Variants in NEK5 observed in about 807,000 individuals in gnomAD.
NEK5 encodes serine/threonine-protein kinase Nek5.
In NEK5, 88 loss-of-function variants were observed where a neutral mutation model predicts 109.2. The ratio of observed to expected loss-of-function variants is 0.81; its 90% confidence interval spans 0.68 to 0.96. The LOEUF (loss-of-function observed/expected upper bound fraction) is 0.96. Among genes scored for constraint, NEK5 ranks in the 40% least tolerant of loss-of-function variants. The probability of loss-of-function intolerance (pLI) is 0.00; values close to 1 mark genes in which losing one functional copy is unlikely to be tolerated. For missense variants in NEK5, 834 were observed against 920.7 expected, an observed-to-expected ratio of 0.91 and a Z score of 1.22; for synonymous variants, 283 against 299.9, an observed-to-expected ratio of 0.94 and a Z score of 0.58.
rs555212717 is a variant in NEK5 at position 52,061,829 on chromosome 13, A to G, written c.2100T>C (p.Asp700=). Residue 700 remains aspartate, a synonymous_variant, in exon 22 of 24, where the codon GAT becomes GAC. Transcript: ENST00000684899. ...AHLTSSSFSA[D]EEFAMGTLKQ... The stretch of plus-strand genomic sequence containing the variant: ...AAATAAACTACATACCAAATTCTTC[A>G]TCGGCAGAAAATGAGCTACTCGTTA... The G allele has an allele frequency of 8.6e-5, 85 of 985,772 alleles. No homozygotes were observed. The highest frequency in any genetic ancestry group is 1.0e-4 in the Non-Finnish European group (84 of 829,824). 61.1% of individuals were successfully genotyped at this position (985,772 alleles called of 1,614,324 possible). A position where few individuals can be genotyped will look rare whatever the true frequency, so the allele number is the denominator to read the frequency against.
intron 21 of NEK5, among the ~76,000 whole-genome samples, chr13:52,062,679 A>G (rs920216819): frequency 3.9e-5 from 6 of 152,054 alleles, no homozygotes; most frequent in African/African-American, 1.4e-4. Flanking sequence ...TCAGCCTCCC[A>G]AAGTGCTGGG....
At position 52,033,766 on chromosome 13, in the gene NEK5, C is replaced by CTT. The variant is rs1381950734; in HGVS notation, c.*3180_*3181dup. On this transcript the variant is annotated 3_prime_UTR_variant, in exon 24 of 24. Transcript: ENST00000684899. ...TGTGGTTATCAATGCTTTCAGAATA[C>CTT]TTGTGTTTATGTAAATATACCCCAG... The CTT allele has an allele frequency of 5.2e-5, 8 of 152,382 alleles. No individual in the cohort carries two copies. The highest frequency in any genetic ancestry group is 3.9e-4 in the Admixed American group (6 of 15,296). The allele number at this position is 152,382 out of a possible 1,614,324, so 9.4% of individuals were successfully genotyped here.
intron 3 of NEK5, among the ~76,000 whole-genome samples, chr13:52,120,984 T>A (rs1183434661): frequency 6.6e-6 from 1 of 151,080 alleles, no homozygotes; most frequent in Non-Finnish European, 1.5e-5. Flanking sequence ...CTGGCAAAGA[T>A]GAAAAGAATG....
chr13:52,041,594 G>A (rs1421611306), intron 23 of NEK5, among the ~76,000 whole-genome samples: 1 of 151,734 alleles, frequency 6.6e-6, no homozygotes, highest in Non-Finnish European at 1.5e-5. Flanking sequence ...TGGGCGTGGT[G>A]GCACAAGCCT....
intron 20 of NEK5, among the ~76,000 whole-genome samples, chr13:52,071,412 T>C (rs1301294226): frequency 6.6e-6 from 1 of 152,236 alleles, no homozygotes; most frequent in Admixed American, 6.5e-5. Flanking sequence ...CTCTAGCCCC[T>C]GCCTCTTAGC....
Position 52,083,242 on chromosome 13 carries a change from G to A in NEK5, c.1572+18C>T. ...ACACACACTGCAAGCACACACATCT[G>A]ATCATAGCCATCATTACCTGCACAG... is the stretch of plus-strand genomic sequence containing the variant. On this transcript the variant is annotated intron_variant, in intron 17 of 23. Transcript: ENST00000684899. 1 of 1,543,458 alleles carries A rather than the reference G, an allele frequency of 6.5e-7. No homozygotes were observed. The highest frequency in any genetic ancestry group is 9.0e-7 in the Non-Finnish European group (1 of 1,115,874).
chr13:52,056,977 A>G (rs1954561911), intron 22 of NEK5, among the ~76,000 whole-genome samples: 1 of 151,758 alleles, frequency 6.6e-6, no homozygotes, highest in South Asian at 2.1e-4. Flanking sequence ...TAGAGACACA[A>G]AAAACCCTTC....
chr13:52,128,316 C>A (rs1223693188), intron 1 of NEK5, among the ~76,000 whole-genome samples: 1 of 152,094 alleles, frequency 6.6e-6, no homozygotes, highest in Admixed American at 6.5e-5. Context: ...CCACGCTGCT[C>A]CTGGTCCCGG....
chr13:52,114,974 G>A (rs1383325878), intron 4 of NEK5, among the ~76,000 whole-genome samples: 2 of 151,490 alleles, frequency 1.3e-5, no homozygotes, highest in East Asian at 3.9e-4. Flanking sequence ...ACTGGCTTTT[G>A]GTGAAAGAAA....
At chr13:52,052,227 C>T (rs971631620) in intron 22 of NEK5, among the ~76,000 whole-genome samples, 2 of 152,074 alleles carry the variant, frequency 1.3e-5, no homozygotes, top group Non-Finnish European at 1.5e-5. Context: ...CCACCTTGGA[C>T]ACATGTCATC....
chr13:52,096,592 T>A (rs562375765), intron 12 of NEK5, among the ~76,000 whole-genome samples: 3 of 152,168 alleles, frequency 2.0e-5, no homozygotes, highest in African/African-American at 4.8e-5. Flanking sequence ...ACAGAAAAAA[T>A]TTCTAAGCAA....
intron 17 of NEK5, among the ~76,000 whole-genome samples, chr13:52,080,139 C>G (rs927278579): frequency 4.6e-5 from 7 of 151,542 alleles, no homozygotes; most frequent in Admixed American, 2.6e-4. Context: ...AGCGTCTCCG[C>G]CCGGCAGCCA....
At chr13:52,104,679 G>A (rs1593984715) in intron 8 of NEK5, 127 bp from the exon 9 acceptor site, 1 of 694,360 alleles carries the variant, frequency 1.4e-6, no homozygotes, top group Non-Finnish European at 2.6e-6. Context: ...TTTTACAAAT[G>A]CTTTCAGATA....
chr13:52,071,583 AG>A (rs1474955231), intron 20 of NEK5, among the ~76,000 whole-genome samples: 1 of 152,228 alleles, frequency 6.6e-6, no homozygotes. Flanking sequence ...ACCAAAATAA[AG>A]GGTCACTGGG....
At chr13:52,121,763 C>T (rs945877471) in intron 3 of NEK5, among the ~76,000 whole-genome samples, 6 of 152,054 alleles carry the variant, frequency 3.9e-5, no homozygotes, top group Non-Finnish European at 5.9e-5. Flanking sequence ...ATAGTTAGAG[C>T]TTTTTATTTC....
At chr13:52,044,661 T>C (rs6650383) in intron 23 of NEK5, among the ~76,000 whole-genome samples, 69,279 of 152,104 alleles carry the variant, frequency 0.46, 17,852 homozygotes, top group Non-Finnish European at 0.58. Context: ...TTCTCTGTAG[T>C]CTAAGCCAAA....
At chr13:52,054,366 A>C (rs1287075628) in intron 22 of NEK5, among the ~76,000 whole-genome samples, 2 of 152,218 alleles carry the variant, frequency 1.3e-5, no homozygotes, top group Non-Finnish European at 2.9e-5. Context: ...TGTCACACTA[A>C]CTGGAGTGCA....
At chr13:52,087,176 C>T (rs1196506577) in intron 15 of NEK5, among the ~76,000 whole-genome samples, 162 bp downstream of exon 15, 1 of 152,200 alleles carries the variant, frequency 6.6e-6, no homozygotes, top group Non-Finnish European at 1.5e-5. Context: ...ATCGCATTAT[C>T]TGAGAAAGTG....
chr13:52,068,466 T>TAC (rs5803591), intron 20 of NEK5, among the ~76,000 whole-genome samples: 6,774 of 148,072 alleles, frequency 0.046, 469 homozygotes, highest in African/African-American at 0.15. Context: ...AATACACAAA[T>TAC]ACACACACAC....
Sources: gnomAD v4.1 joint callset for allele counts (sites outside exome capture counted in the v4.1 genomes callset) on GRCh38, gnomAD v4.1.1 for gene constraint, MANE v1.5 for transcripts, NCBI Gene and HGNC (gene_info 2026-07-23, HGNC 2026-07-21) for gene names.